CDH20: variants seen among roughly 807,000 people sequenced by gnomAD.
The protein encoded by CDH20 is cadherin-20.
A neutral mutation model predicts 74.2 loss-of-function variants in CDH20; 29 were observed. The observed-to-expected ratio is 0.39, with a 90% confidence interval of 0.29 to 0.53. CDH20 has a LOEUF of 0.53. Ranked by LOEUF, CDH20 falls within the 20% of genes least tolerant of loss-of-function variation. The pLI is 0.69. For missense variants in CDH20, 988 were observed against 1,048.3 expected (o/e 0.94, Z 0.79); for synonymous variants, 469 against 405.4 (o/e 1.16, Z -1.88).
At chr18:61,521,505 C>A (rs1286513301) in intron 6 of CDH20, among the ~76,000 whole-genome samples, 3 of 151,396 alleles carry the variant, frequency 2.0e-5, no homozygotes, top group African/African-American at 4.9e-5. Flanking sequence ...CAATGAGGAG[C>A]TGGTAGCATT....
Position 61,519,723 on chromosome 18 carries a change from A to G in CDH20, c.1018-8244A>G, listed in dbSNP as rs901129824. 4.6e-5 allele frequency among the ~76,000 whole-genome samples: 7 copies of G among 151,202 alleles called. 1 individual carries two copies. Among genetic ancestry groups the G allele is most frequent in the Non-Finnish European group, 1.0e-4 (7 of 67,998 alleles). Reference sequence around the variant, plus strand: ...AAGAAACTGCAACAACTAACGGGCAAAATAACCAGCTGGCATCATAATGAC... The same window carrying G: ...AAGAAACTGCAACAACTAACGGGCAGAATAACCAGCTGGCATCATAATGAC... On this transcript the variant is annotated intron_variant, in intron 6 of 11. Transcript: ENST00000262717.
chr18:61,402,484 C>G (rs1215370859), intron 1 of CDH20, among the ~76,000 whole-genome samples: 11 of 152,098 alleles, frequency 7.2e-5, no homozygotes, highest in Admixed American at 7.2e-4. Flanking sequence ...GAAATACATC[C>G]CTTGATTCCC....
intron 1 of CDH20, among the ~76,000 whole-genome samples, chr18:61,345,279 T>C (rs1910079915): frequency 6.6e-6 from 1 of 152,112 alleles, no homozygotes; most frequent in Non-Finnish European, 1.5e-5. Context: ...ATCAAGATGG[T>C]TGTAGGAGGG....
At chr18:61,451,617 G>A (rs867341910) in intron 1 of CDH20, among the ~76,000 whole-genome samples, 112 of 152,070 alleles carry the variant, frequency 7.4e-4, no homozygotes, top group African/African-American at 2.6e-3. Context: ...TTTATACAAG[G>A]GTGAGAAATA....
chr18:61,550,423 G>A lies in CDH20; in HGVS notation c.1900+194G>A, dbSNP rs1332212472. Among the ~76,000 whole-genome samples, 5 of 152,222 alleles carry A rather than the reference G, an allele frequency of 3.3e-5. No homozygotes were observed. The East Asian group carries it at 9.6e-4, about 29-fold the overall frequency. Reference sequence around the variant, plus strand: ...CCCTTCTTCGAGGTGTCTGTGGCAAGATCAAAGCACATATACTTATAAAGT... The same window carrying A: ...CCCTTCTTCGAGGTGTCTGTGGCAAAATCAAAGCACATATACTTATAAAGT... On this transcript the variant is annotated intron_variant, in intron 11 of 11. Coordinates refer to ENST00000262717, the MANE Select transcript of CDH20 (RefSeq NM_031891.4).
intron 6 of CDH20, among the ~76,000 whole-genome samples, chr18:61,523,217 GA>G (rs139418851): frequency 2.7e-5 from 4 of 145,566 alleles, no homozygotes; most frequent in Admixed American, 6.8e-5. Flanking sequence ...AAATTTACAA[GA>G]AAAAAAAAAA....
At chr18:61,458,035 A>AG (rs1207082066) in intron 1 of CDH20, among the ~76,000 whole-genome samples, 6 of 152,190 alleles carry the variant, frequency 3.9e-5, no homozygotes, top group Admixed American at 3.9e-4. Flanking sequence ...TGTTTAAACA[A>AG]ACATGACTGT....
intron 1 of CDH20, among the ~76,000 whole-genome samples, chr18:61,388,196 C>T (rs767365214): frequency 1.3e-5 from 2 of 152,104 alleles, no homozygotes; most frequent in African/African-American, 2.4e-5. Flanking sequence ...TGAAATGAGC[C>T]TTGATGGATG....
At chr18:61,487,977 T>C (rs953001280) in intron 1 of CDH20, among the ~76,000 whole-genome samples, 1 of 152,090 alleles carries the variant, frequency 6.6e-6, no homozygotes, top group Non-Finnish European at 1.5e-5. Context: ...TCAAAGCAAG[T>C]TGCTACAACC....
At chr18:61,474,932 T>G (rs557196630) in intron 1 of CDH20, among the ~76,000 whole-genome samples, 1 of 152,236 alleles carries the variant, frequency 6.6e-6, no homozygotes, top group East Asian at 1.9e-4. Context: ...CATTTATAGT[T>G]TATCAGAGGG....
At chr18:61,380,460 G>T (rs1194022899) in intron 1 of CDH20, among the ~76,000 whole-genome samples, 5 of 152,188 alleles carry the variant, frequency 3.3e-5, no homozygotes, top group Non-Finnish European at 7.3e-5. Context: ...CACCCAAGTA[G>T]AAATTAAAGC....
intron 2 of CDH20, among the ~76,000 whole-genome samples, chr18:61,497,709 C>T (rs1487447709): frequency 6.6e-6 from 1 of 152,090 alleles, no homozygotes; most frequent in African/African-American, 2.4e-5. Flanking sequence ...TAGTGCTGTC[C>T]TCACACTTAT....
chr18:61,408,253 A>G (rs1912394852), intron 1 of CDH20, among the ~76,000 whole-genome samples: 2 of 152,216 alleles, frequency 1.3e-5, no homozygotes, highest in Admixed American at 1.3e-4. Flanking sequence ...CAGCAATTAT[A>G]GAGAAAATTA....
chr18:61,399,433 C>T (rs1017335918), intron 1 of CDH20, among the ~76,000 whole-genome samples: 1 of 152,154 alleles, frequency 6.6e-6, no homozygotes, highest in Non-Finnish European at 1.5e-5. Flanking sequence ...AATGATATCT[C>T]CCTGTTACAC....
At chr18:61,360,607 T>C (rs868841506) in intron 1 of CDH20, among the ~76,000 whole-genome samples, 2 of 152,158 alleles carry the variant, frequency 1.3e-5, no homozygotes, top group African/African-American at 4.8e-5. Context: ...GCAGAAACTG[T>C]GAAGGCTCTG....
At chr18:61,447,400 G>A (rs946186745) in intron 1 of CDH20, among the ~76,000 whole-genome samples, 1 of 152,176 alleles carries the variant, frequency 6.6e-6, no homozygotes, top group Non-Finnish European at 1.5e-5. Context: ...TGGTTATGCG[G>A]GGAAGATATG....
intron 1 of CDH20, among the ~76,000 whole-genome samples, chr18:61,367,596 C>T (rs1387836822): frequency 6.6e-6 from 1 of 152,172 alleles, no homozygotes. Context: ...ATGGTCCCTT[C>T]TGCCTTCAAA....
At chr18:61,514,057 A>G (rs1158477147) in intron 6 of CDH20, among the ~76,000 whole-genome samples, 19 of 152,182 alleles carry the variant, frequency 1.2e-4, no homozygotes, top group African/African-American at 4.6e-4. Context: ...GCCTTGCTAG[A>G]TTGGGGAAGT....
chr18:61,498,212 C>T (rs764070344), intron 2 of CDH20, among the ~76,000 whole-genome samples: 1 of 151,956 alleles, frequency 6.6e-6, no homozygotes, highest in Non-Finnish European at 1.5e-5. Flanking sequence ...CCAGCCTGAC[C>T]AACGTGGCCA....
Sources: allele counts gnomAD v4.1 joint callset (sites outside exome capture counted in the v4.1 genomes callset), GRCh38; gene constraint gnomAD v4.1.1; transcripts MANE v1.5; gene names NCBI Gene and HGNC (gene_info 2026-07-23, HGNC 2026-07-21).